FAR2: variants seen among roughly 807,000 people sequenced by gnomAD.
FAR2 encodes fatty acyl-CoA reductase 2.
FAR2 carries 19 observed loss-of-function variants against 56.0 expected under a neutral mutation model. The ratio of observed to expected loss-of-function variants is 0.34; its 90% CI spans 0.24 to 0.50. The LOEUF (loss-of-function observed/expected upper bound fraction) is 0.50. Ranked by LOEUF, FAR2 falls within the 20% of genes least tolerant of loss-of-function variation. The pLI is 0.98. For synonymous variants in FAR2, 219 were observed against 218.8 expected, an observed-to-expected ratio of 1.00 and a Z score of -0.01; for missense variants, 508 against 642.2, an observed-to-expected ratio of 0.79 and a Z score of 2.26.
chr12:29,248,948 G>T (rs1237390229), intron 1 of FAR2, among the ~76,000 whole-genome samples: 1 of 152,198 alleles, frequency 6.6e-6, no homozygotes, highest in Non-Finnish European at 1.5e-5. Flanking sequence ...GCTATTCCCT[G>T]AACAATTTCT....
At chr12:29,182,835 C>T (rs1397399744) in intron 1 of FAR2, among the ~76,000 whole-genome samples, 2 of 151,940 alleles carry the variant, frequency 1.3e-5, no homozygotes, top group East Asian at 1.9e-4. Context: ...GGGTTATCTA[C>T]GTATCTCTTC....
chr12:29,274,037 G>A (rs1948663600), intron 2 of FAR2, among the ~76,000 whole-genome samples: 1 of 149,408 alleles, frequency 6.7e-6, no homozygotes, highest in African/African-American at 2.4e-5. Context: ...CGGTTATTGT[G>A]TTTGTTTTTC....
intron 1 of FAR2, among the ~76,000 whole-genome samples, chr12:29,208,307 T>C (rs1947500242): frequency 1.3e-5 from 2 of 152,284 alleles, no homozygotes; most frequent in East Asian, 3.9e-4. Flanking sequence ...TCCTACCCTC[T>C]ACTCCCACTC....
At chr12:29,241,076 G>C (rs1264524751) in intron 1 of FAR2, among the ~76,000 whole-genome samples, 1 of 152,198 alleles carries the variant, frequency 6.6e-6, no homozygotes, top group Non-Finnish European at 1.5e-5. Flanking sequence ...AAAGTGCTGG[G>C]ATTACAGGCA....
At position 29,297,176 on chromosome 12, in the gene FAR2, C is replaced by CA. The variant is rs757443519; in HGVS notation, c.529dup (p.Ile177AsnfsTer3). On this transcript the variant is annotated frameshift_variant, in exon 4 of 12. Coordinates refer to ENST00000536681, the MANE Select transcript of FAR2 (RefSeq NM_001271783.2). LOFTEE classifies it high-confidence loss of function. ...GTTATCTATCCGTGCCCTGTGGAGC[C>CA]AAAAAAAATCATTGATTCCCTTGAG... 27 of 1,601,770 alleles carry CA rather than the reference C, an allele frequency of 1.7e-5. No individual in the cohort carries two copies. The highest frequency in any genetic ancestry group is 3.4e-5 in the South Asian group (3 of 88,726).
chr12:29,328,100 G>C (rs1371587231), intron 10 of FAR2, among the ~76,000 whole-genome samples: 4 of 152,152 alleles, frequency 2.6e-5, no homozygotes, highest in Admixed American at 1.3e-4. Flanking sequence ...CTAAGGATAT[G>C]AACAGACACT....
intron 1 of FAR2, among the ~76,000 whole-genome samples, chr12:29,204,093 G>C (rs1385847098): frequency 6.7e-6 from 1 of 148,920 alleles, no homozygotes; most frequent in Non-Finnish European, 1.5e-5. Flanking sequence ...GCATGATTTT[G>C]TAATCAATAA....
rs1015719204 is a variant in FAR2, at chr12:29,295,299, C to T, written c.366-1722C>T. 1.6e-3 allele frequency among the ~76,000 whole-genome samples: 244 copies of T among 152,278 alleles called. 2 individuals are homozygous for T. The highest frequency in any genetic ancestry group is 5.6e-3 in the African/African-American group (231 of 41,556). On this transcript the variant is annotated intron_variant, in intron 3 of 11. Transcript: ENST00000536681. ...ATCATGGCCAGGCTGGTCTTGAACT[C>T]CTGACCTCAGGTGATCCGCCCGCCT...
At chr12:29,313,944 T>C (rs1277824145) in intron 8 of FAR2, among the ~76,000 whole-genome samples, 2 of 152,222 alleles carry the variant, frequency 1.3e-5, no homozygotes, top group African/African-American at 2.4e-5. Flanking sequence ...CTTAGAAATA[T>C]AGCTCACGAA....
chr12:29,297,843 C>T (rs956387421), intron 4 of FAR2, among the ~76,000 whole-genome samples: 2 of 152,022 alleles, frequency 1.3e-5, no homozygotes, highest in African/African-American at 2.4e-5. Flanking sequence ...TCCAAGAGTT[C>T]AAGACCAGCC....
intron 8 of FAR2, among the ~76,000 whole-genome samples, chr12:29,313,204 C>CA (rs1418990979): frequency 6.6e-6 from 1 of 152,146 alleles, no homozygotes; most frequent in Non-Finnish European, 1.5e-5. Flanking sequence ...GGTGACATTA[C>CA]AAGGAGTGAC....
chr12:29,326,427 A>C (rs544118401), intron 10 of FAR2, among the ~76,000 whole-genome samples: 46 of 152,254 alleles, frequency 3.0e-4, no homozygotes, highest in African/African-American at 1.1e-3. Context: ...CCTGATACCA[A>C]AGCCTGGCAG....
intron 5 of FAR2, among the ~76,000 whole-genome samples, chr12:29,308,764 G>A (rs1410995191): frequency 6.7e-6 from 1 of 148,326 alleles, no homozygotes. Context: ...CTCTATAGCT[G>A]GTAAAAAATG....
intron 1 of FAR2, among the ~76,000 whole-genome samples, chr12:29,188,823 G>A (rs1176418191): frequency 3.3e-5 from 5 of 150,780 alleles, no homozygotes; most frequent in African/African-American, 1.2e-4. Flanking sequence ...AGTCTGGTCA[G>A]GTACCCTGTA....
chr12:29,294,361 G>A (rs7134796), intron 3 of FAR2, among the ~76,000 whole-genome samples: 1 of 149,440 alleles, frequency 6.7e-6, no homozygotes, highest in Non-Finnish European at 1.5e-5. Flanking sequence ...TTTTTTTTTT[G>A]TTGTTGAGAC....
intron 1 of FAR2, among the ~76,000 whole-genome samples, chr12:29,180,803 A>G (rs1949985195): frequency 6.6e-6 from 1 of 151,688 alleles, no homozygotes; most frequent in African/African-American, 2.4e-5. Flanking sequence ...TTTGACTTCC[A>G]TTCATACTCA....
chr12:29,218,199 T>C (rs1450291180), intron 1 of FAR2, among the ~76,000 whole-genome samples: 2 of 151,206 alleles, frequency 1.3e-5, no homozygotes, highest in South Asian at 2.1e-4. Flanking sequence ...TACTAAAAAA[T>C]ACAAAAAAAA....
intron 1 of FAR2, among the ~76,000 whole-genome samples, chr12:29,189,038 A>G (rs901909092): frequency 4.6e-5 from 7 of 152,060 alleles, no homozygotes; most frequent in African/African-American, 1.7e-4. Context: ...TTTCTCCCCT[A>G]TAAAGTTACT....
rs556369700 is a variant in FAR2, at chr12:29,168,378, C to T, written c.-39+18971C>T. 9.8e-5 allele frequency among the ~76,000 whole-genome samples: 15 copies of T among 152,318 alleles called. No homozygotes were observed. The South Asian group carries it at 3.1e-3, about 32-fold the overall frequency. ...ATTTCTGGGGATGGAGAGCAGTGTGCTTACTGACAGACTAGGCCCTGTGAG... is the reference window on the plus strand; with the variant it reads ...ATTTCTGGGGATGGAGAGCAGTGTGTTTACTGACAGACTAGGCCCTGTGAG... On this transcript the variant is annotated intron_variant, in intron 1 of 11. Transcript: ENST00000536681.
Sources: gnomAD v4.1 joint callset for allele counts (sites outside exome capture counted in the v4.1 genomes callset) on GRCh38, gnomAD v4.1.1 for gene constraint, MANE v1.5 for transcripts, NCBI Gene and HGNC (gene_info 2026-07-23, HGNC 2026-07-21) for gene names.